UBE2D3: variants seen among roughly 807,000 people sequenced by gnomAD.
The protein encoded by UBE2D3 is ubiquitin conjugating enzyme E2 D3, also known as ubiquitin-conjugating enzyme E2 D3.
In UBE2D3, 2 loss-of-function variants were observed where a neutral mutation model predicts 22.8. The observed-to-expected ratio is 0.09, with a 90% CI of 0.04 to 0.28. UBE2D3 has a LOEUF of 0.28. Ranked by LOEUF, UBE2D3 falls within the 10% of genes least tolerant of loss-of-function variation. UBE2D3 has a pLI of 1.00. For missense variants in UBE2D3, 27 were observed against 182.5 expected (o/e 0.15, Z 4.91); for synonymous variants, 56 against 60.4 (o/e 0.93, Z 0.34).
upstream of UBE2D3, among the ~76,000 whole-genome samples, chr4:102,829,529 G>C (rs1446199241): frequency 6.6e-6 from 1 of 152,220 alleles, no homozygotes; most frequent in Non-Finnish European, 1.5e-5. Context: ...CTTTCTCACA[G>C]GGTGATTGTG....
At chr4:102,864,003 A>G (rs1318373688) in intron 1 of UBE2D3, among the ~76,000 whole-genome samples, 1 of 152,212 alleles carries the variant, frequency 6.6e-6, no homozygotes, top group East Asian at 1.9e-4. Context: ...AGGTGCAGCT[A>G]ATAATAAAAA....
intron 1 of UBE2D3, among the ~76,000 whole-genome samples, chr4:102,834,740 C>A (rs1453453391): frequency 2.0e-5 from 3 of 151,216 alleles, no homozygotes; most frequent in South Asian, 2.1e-4. Flanking sequence ...CAGAGTGAGA[C>A]CCTGTCTGGA....
chr4:102,826,888 G>A (rs1026513941), intron 1 of UBE2D3: 24 of 1,052,916 alleles, frequency 2.3e-5, no homozygotes, highest in Non-Finnish European at 2.6e-5. Flanking sequence ...AGGCGTAGGA[G>A]AAAGGGGTGG....
intron 1 of UBE2D3, among the ~76,000 whole-genome samples, chr4:102,862,016 G>A (rs1029261302): frequency 6.6e-6 from 1 of 151,882 alleles, no homozygotes; most frequent in Non-Finnish European, 1.5e-5. Flanking sequence ...CTCCTGGCCT[G>A]AGGTGATCCT....
chr4:102,855,720 G>A (rs1732587515), intron 1 of UBE2D3, among the ~76,000 whole-genome samples: 1 of 152,198 alleles, frequency 6.6e-6, no homozygotes, highest in Non-Finnish European at 1.5e-5. Context: ...GTTGTGCCCA[G>A]TTCATTCAGC....
At chr4:102,810,283 A>AT (rs1727742474) in intron 2 of UBE2D3, 1 of 150,912 alleles carries the variant, frequency 6.6e-6, no homozygotes. Flanking sequence ...CACTAACTCT[A>AT]TTTTCTACCT....
At chr4:102,840,217 T>A (rs577089925) in intron 1 of UBE2D3, among the ~76,000 whole-genome samples, 2 of 152,306 alleles carry the variant, frequency 1.3e-5, no homozygotes, top group East Asian at 3.9e-4. Flanking sequence ...CTAAAAGAAC[T>A]GCCATATGAT....
At position 102,796,559 on chromosome 4, in the gene UBE2D3, C is replaced by A. The variant is rs1047978138; in HGVS notation, c.*856G>T. The A allele has an allele frequency of 6.6e-6, 1 of 152,520 alleles. No individual in the cohort carries two copies. The highest frequency in any genetic ancestry group is 2.1e-4 in the South Asian group (1 of 4,822). The allele number at this position is 152,520 out of a possible 1,614,324, so 9.4% of individuals were successfully genotyped here. A position where few individuals can be genotyped will look rare whatever the true frequency, so the allele number is the denominator to read the frequency against. On this transcript the variant is annotated 3_prime_UTR_variant, in exon 8 of 8. Coordinates refer to ENST00000453744, the MANE Select transcript of UBE2D3 (RefSeq NM_181891.3). The stretch of plus-strand genomic sequence containing the variant: ...GCTTTGCATTTACAAAAGATTGTTT[C>A]CCATACTGATTAATCCAGGCAGCTA...
chr4:102,813,119 T>C (rs913950704), intron 2 of UBE2D3: 1 of 152,186 alleles, frequency 6.6e-6, no homozygotes, highest in African/African-American at 2.4e-5. Context: ...AGTATCTTTT[T>C]TAAAAAATGA....
At chr4:102,832,965 C>T (rs1304007355) in intron 1 of UBE2D3, among the ~76,000 whole-genome samples, 1 of 146,336 alleles carries the variant, frequency 6.8e-6, no homozygotes, top group African/African-American at 2.6e-5. Context: ...GCAGTGCACT[C>T]TAGCCTAGGT....
At chr4:102,826,463 T>C (rs944992971) in intron 2 of UBE2D3, 22 bp downstream of exon 2, 2 of 1,613,708 alleles carry the variant, frequency 1.2e-6, no homozygotes, top group Non-Finnish European at 1.7e-6. Context: ...TACCACCCCA[T>C]GCCCTTGTCC....
chr4:102,813,746 A>AG (rs1314859100), intron 2 of UBE2D3, among the ~76,000 whole-genome samples: 1 of 152,236 alleles, frequency 6.6e-6, no homozygotes, highest in Non-Finnish European at 1.5e-5. Flanking sequence ...TAACCTGAAA[A>AG]GTTAAAAAGA....
intron 1 of UBE2D3, among the ~76,000 whole-genome samples, chr4:102,855,557 A>G (rs1732579150): frequency 6.6e-6 from 1 of 152,150 alleles, no homozygotes; most frequent in Non-Finnish European, 1.5e-5. Flanking sequence ...GCTAGCTGGG[A>G]TTACAGGTGT....
At chr4:102,798,279 A>AATATATATATATATATATATATATAT (rs10526258) in intron 7 of UBE2D3, among the ~76,000 whole-genome samples, 5,268 of 110,468 alleles carry the variant, frequency 0.048, 641 homozygotes, top group African/African-American at 0.065. Context: ...TTAAGAAATG[A>AATATATATATATATATATATATATAT]ATATATATAT....
At chr4:102,815,096 T>C (rs1464710148) in intron 2 of UBE2D3, among the ~76,000 whole-genome samples, 10 of 152,042 alleles carry the variant, frequency 6.6e-5, no homozygotes, top group Non-Finnish European at 1.0e-4. Context: ...CATGGTGGAG[T>C]ACAATGGCAC....
At chr4:102,864,418 A>G (rs1287750900) in intron 1 of UBE2D3, among the ~76,000 whole-genome samples, 1 of 38,288 alleles carries the variant, frequency 2.6e-5, no homozygotes, top group Non-Finnish European at 4.5e-5. Flanking sequence ...TCAAAACTAA[A>G]TCAAAGGATG....
chr4:102,864,534 AG>A (rs1733057111), intron 1 of UBE2D3, among the ~76,000 whole-genome samples: 2 of 152,358 alleles, frequency 1.3e-5, no homozygotes, highest in South Asian at 4.1e-4. Flanking sequence ...TTGATGGTAA[AG>A]ACGATAATGA....
intron 2 of UBE2D3, chr4:102,825,838 G>C (rs1730377851): frequency 2.2e-6 from 1 of 451,190 alleles, no homozygotes; most frequent in East Asian, 7.0e-5. Context: ...CGGATAAATA[G>C]CTTCGGGTGA....
chr4:102,854,768 C>T (rs574809691), intron 1 of UBE2D3, among the ~76,000 whole-genome samples: 2 of 152,260 alleles, frequency 1.3e-5, no homozygotes, highest in Admixed American at 6.5e-5. Context: ...CCCTCCAAAT[C>T]AACCCTGAGT....
Sources: allele counts gnomAD v4.1 joint callset (sites outside exome capture counted in the v4.1 genomes callset), GRCh38; gene constraint gnomAD v4.1.1; transcripts MANE v1.5; gene names NCBI Gene and HGNC (gene_info 2026-07-23, HGNC 2026-07-21).